The following REDIC1 variants were observed in gnomAD, a reference collection of about 807,000 sequenced individuals.
The protein encoded by REDIC1 is regulator of DNA class I crossover intermediates 1, also known as HEI10 Interacting Protein 1.
the REDIC1 span, among the ~76,000 whole-genome samples, chr12:39,902,234 A>G: frequency 1.3e-5 from 2 of 151,704 alleles, no homozygotes; most frequent in South Asian, 4.2e-4. Context: ...AGATATACCT[A>G]ATGCTAAATG....
chr12:39,627,164 G>A, the REDIC1 span, among the ~76,000 whole-genome samples: 2 of 152,136 alleles, frequency 1.3e-5, no homozygotes, highest in African/African-American at 2.4e-5. Context: ...AGAATTTATC[G>A]GAGGAAAGAC....
chr12:39,816,638 C>A, the REDIC1 span, among the ~76,000 whole-genome samples: 1 of 137,324 alleles, frequency 7.3e-6, no homozygotes, highest in Non-Finnish European at 1.6e-5. Flanking sequence ...TATTAGTAAG[C>A]TGGACATGGC....
the REDIC1 span, among the ~76,000 whole-genome samples, chr12:39,634,138 G>C: frequency 6.6e-6 from 1 of 152,062 alleles, no homozygotes; most frequent in Non-Finnish European, 1.5e-5. Context: ...CCTTGAAGAG[G>C]TCCTTCACAT....
chr12:39,675,841 G>A, the REDIC1 span, among the ~76,000 whole-genome samples: 2 of 152,096 alleles, frequency 1.3e-5, no homozygotes, highest in Non-Finnish European at 1.5e-5. Flanking sequence ...CTCACTGGGG[G>A]GCTAGACCCA....
the REDIC1 span, among the ~76,000 whole-genome samples, chr12:39,712,697 GTGTATATATGTATATAGACGTATAC>G: frequency 2.6e-4 from 1 of 3,876 alleles, no homozygotes; most frequent in Non-Finnish European, 6.6e-4. Flanking sequence ...ATACGTATAC[GTGTATATATGTATATAGACGTATAC>G]GTGTATATAT....
the REDIC1 span, among the ~76,000 whole-genome samples, chr12:39,747,001 T>G: frequency 6.6e-6 from 1 of 151,834 alleles, no homozygotes; most frequent in African/African-American, 2.4e-5. Flanking sequence ...AAGCTGAAAA[T>G]TCTAAAAATC....
the REDIC1 span, among the ~76,000 whole-genome samples, chr12:39,688,785 A>C: frequency 4.6e-5 from 7 of 152,330 alleles, no homozygotes; most frequent in East Asian, 1.4e-3. Flanking sequence ...ATTTAGATCT[A>C]GAATTGATAG....
chr12:39,799,864 T>A, the REDIC1 span, among the ~76,000 whole-genome samples: 1 of 152,186 alleles, frequency 6.6e-6, no homozygotes, highest in South Asian at 2.1e-4. Context: ...TTGGTAGAAC[T>A]TTCAGATGAT....
chr12:39,890,607 A>G, the REDIC1 span, among the ~76,000 whole-genome samples: 3 of 152,060 alleles, frequency 2.0e-5, no homozygotes, highest in African/African-American at 7.2e-5. Context: ...AATTTGTGGG[A>G]TTTTTTTCAT....
the REDIC1 span, chr12:39,745,981 G>A: frequency 6.6e-6 from 1 of 152,502 alleles, no homozygotes; most frequent in African/African-American, 2.4e-5. Context: ...AATAGGAACA[G>A]CTCCAGTCTA....
chr12:39,897,400 A>G, the REDIC1 span, among the ~76,000 whole-genome samples: 2 of 152,122 alleles, frequency 1.3e-5, no homozygotes, highest in African/African-American at 2.4e-5. Flanking sequence ...CCAACTGCCT[A>G]CCCCAAGCAT....
the REDIC1 span, among the ~76,000 whole-genome samples, chr12:39,672,087 G>GGAAGGCATACAA: frequency 3.3e-5 from 5 of 152,088 alleles, no homozygotes; most frequent in African/African-American, 1.2e-4. Context: ...AAGTGGCACT[G>GGAAGGCATACAA]GTGGTGGCAG....
At chr12:39,676,401 A>T in the REDIC1 span, among the ~76,000 whole-genome samples, 1 of 152,176 alleles carries the variant, frequency 6.6e-6, no homozygotes, top group Non-Finnish European at 1.5e-5. Context: ...GCAAAGACAA[A>T]GAAAAACTAA....
the REDIC1 span, chr12:39,692,135 A>T: frequency 6.8e-7 from 1 of 1,472,982 alleles, no homozygotes; most frequent in South Asian, 1.3e-5. Context: ...GTATAAGTTA[A>T]TTTTACTCTA....
chr12:39,678,629 C>CAAAAAAAAAAAAAA, the REDIC1 span, among the ~76,000 whole-genome samples: 12 of 96,204 alleles, frequency 1.2e-4, no homozygotes, highest in East Asian at 3.1e-4. Flanking sequence ...AAAGGCATAA[C>CAAAAAAAAAAAAAA]AAAAAAAAAA....
chr12:39,626,430 A>T, the REDIC1 span: 1 of 1,590,262 alleles, frequency 6.3e-7, no homozygotes, highest in Non-Finnish European at 8.6e-7. Flanking sequence ...TTCCTGGCGG[A>T]GAGGTCACAG....
the REDIC1 span, among the ~76,000 whole-genome samples, chr12:39,672,658 G>A: frequency 6.6e-6 from 1 of 152,110 alleles, no homozygotes; most frequent in African/African-American, 2.4e-5. Flanking sequence ...AGTCTTCCTG[G>A]TGTGCTACAC....
At chr12:39,744,889 GAC>G in the REDIC1 span, among the ~76,000 whole-genome samples, 1 of 152,082 alleles carries the variant, frequency 6.6e-6, no homozygotes, top group Non-Finnish European at 1.5e-5. Context: ...GCAAGTAAAA[GAC>G]ACTGTCAGAG....
chr12:39,683,287 C>T, the REDIC1 span: 2 of 1,100,148 alleles, frequency 1.8e-6, no homozygotes, highest in African/African-American at 1.6e-5. Context: ...AATAGAATGG[C>T]TTCCTATTAT....
Sources: gnomAD v4.1 joint callset for allele counts (sites outside exome capture counted in the v4.1 genomes callset) on GRCh38, gnomAD v4.1.1 for gene constraint, MANE v1.5 for transcripts, NCBI Gene and HGNC (gene_info 2026-07-23, HGNC 2026-07-21) for gene names.